The following AOPEP variants were observed in gnomAD, a reference collection of about 807,000 sequenced individuals.
AOPEP encodes aminopeptidase O.
In AOPEP, 77 loss-of-function variants were observed where a neutral mutation model predicts 98.1. That is an observed-to-expected ratio of 0.78 (90% CI 0.65 to 0.95). The LOEUF is 0.95. AOPEP is among the 40% of genes least tolerant of loss of function. The pLI, the probability that AOPEP is intolerant of heterozygous loss-of-function variation, is 0.00. For synonymous variants in AOPEP, 346 were observed against 365.3 expected (o/e 0.95, Z 0.60); for missense variants, 1,024 against 1,024.7 (o/e 1.00, Z 0.01).
At chr9:95,133,456 G>T in the AOPEP span, among the ~76,000 whole-genome samples, 1 of 152,252 alleles carries the variant, frequency 6.6e-6, no homozygotes, top group Non-Finnish European at 1.5e-5. Flanking sequence ...CTTCAAAGCT[G>T]TGTGACTCGT....
At chr9:95,052,668 T>C (rs1205263346) in intron 13 of AOPEP, among the ~76,000 whole-genome samples, 1 of 152,224 alleles carries the variant, frequency 6.6e-6, no homozygotes, top group Non-Finnish European at 1.5e-5. Context: ...TGAATAATCC[T>C]ACACAGACCA....
In AOPEP at chr9:95,083,857, A is replaced by G. The variant is rs539999194; in HGVS notation, c.*4+1138A>G. Among the ~76,000 whole-genome samples, 8 of 152,338 alleles carry G rather than the reference A, an allele frequency of 5.3e-5. No homozygotes were observed. In the South Asian group the frequency reaches 1.0e-3, roughly 20 times the overall value. ...GAGCGGAATTTCTCCCCTGGCTTCT[A>G]TTGGAGTCCTAGATTATTTAAATCA... On this transcript the variant is annotated intron_variant, in intron 16 of 16. Transcript: ENST00000375315.
chr9:94,738,740 AT>A (rs1241939476), intron 1 of AOPEP, among the ~76,000 whole-genome samples: 1 of 151,384 alleles, frequency 6.6e-6, no homozygotes, highest in African/African-American at 2.4e-5. Flanking sequence ...CGCTTGGCTA[AT>A]TTTTTTGTAT....
intron 5 of AOPEP, among the ~76,000 whole-genome samples, chr9:94,880,880 C>T (rs1172084530): frequency 6.6e-6 from 1 of 152,124 alleles, no homozygotes; most frequent in African/African-American, 2.4e-5. Flanking sequence ...GAGACTTTGG[C>T]ATAGGACCCA....
chr9:94,802,648 T>C (rs1848436681), intron 5 of AOPEP, among the ~76,000 whole-genome samples: 1 of 152,204 alleles, frequency 6.6e-6, no homozygotes. Flanking sequence ...TTGAAAAATA[T>C]GGTGGTGATC....
At chr9:95,132,592 A>G in the AOPEP span, among the ~76,000 whole-genome samples, 2 of 152,222 alleles carry the variant, frequency 1.3e-5, no homozygotes, top group Non-Finnish European at 2.9e-5. Context: ...CGTGGCAGAC[A>G]GCATGACTCG....
intron 2 of AOPEP, among the ~76,000 whole-genome samples, chr9:94,762,219 G>A (rs1052687184): frequency 7.9e-5 from 12 of 152,072 alleles, no homozygotes; most frequent in African/African-American, 1.9e-4. Context: ...AGGCTGAGGC[G>A]GGTGGATCAC....
chr9:94,946,493 C>A (rs2057643051), intron 7 of AOPEP, among the ~76,000 whole-genome samples: 1 of 152,152 alleles, frequency 6.6e-6, no homozygotes, highest in East Asian at 1.9e-4. Flanking sequence ...GTTCCAGGAT[C>A]CAGGTCTCAT....
At chr9:94,995,896 T>G (rs2061191297) in intron 11 of AOPEP, among the ~76,000 whole-genome samples, 1 of 152,186 alleles carries the variant, frequency 6.6e-6, no homozygotes, top group Admixed American at 6.5e-5. Flanking sequence ...ATGTACAGAA[T>G]GGCTGGGTTT....
intron 13 of AOPEP, among the ~76,000 whole-genome samples, chr9:95,057,196 C>G (rs2066899475): frequency 6.6e-6 from 1 of 152,264 alleles, no homozygotes; most frequent in African/African-American, 2.4e-5. Context: ...CACGATCACT[C>G]TGTGGTACGA....
chr9:94,836,940 A>C (rs1373999189), intron 5 of AOPEP, among the ~76,000 whole-genome samples: 1 of 152,154 alleles, frequency 6.6e-6, no homozygotes, highest in Non-Finnish European at 1.5e-5. Context: ...TTTTTAAAAA[A>C]ATTTTTTATG....
At chr9:95,134,361 C>T in the AOPEP span, among the ~76,000 whole-genome samples, 1 of 152,136 alleles carries the variant, frequency 6.6e-6, no homozygotes, top group Non-Finnish European at 1.5e-5. Flanking sequence ...CACAGCCAAC[C>T]TCAGGGACTT....
the AOPEP span, chr9:95,110,943 AG>A: frequency 7.4e-7 from 1 of 1,342,990 alleles, no homozygotes; most frequent in South Asian, 2.0e-5. Flanking sequence ...TCAGAAGCAA[AG>A]TGGTTAATAT....
At chr9:94,897,463 G>A (rs1468751118) in intron 5 of AOPEP, among the ~76,000 whole-genome samples, 2 of 151,944 alleles carry the variant, frequency 1.3e-5, no homozygotes, top group Admixed American at 1.3e-4. Context: ...AACCACAGTA[G>A]GAAACAAACA....
At chr9:94,768,103 A>T (rs1840025182) in intron 2 of AOPEP, among the ~76,000 whole-genome samples, 1 of 152,200 alleles carries the variant, frequency 6.6e-6, no homozygotes, top group South Asian at 2.1e-4. Flanking sequence ...GAATTGGAGG[A>T]GGCCTGAAGA....
chr9:94,841,189 T>G (rs2042223384), intron 5 of AOPEP, among the ~76,000 whole-genome samples: 1 of 150,666 alleles, frequency 6.6e-6, no homozygotes, highest in African/African-American at 2.4e-5. Flanking sequence ...TTTTTTTTTT[T>G]GAGACGGAGT....
intron 5 of AOPEP, among the ~76,000 whole-genome samples, chr9:94,891,731 T>C (rs568426467): frequency 5.9e-5 from 9 of 152,340 alleles, no homozygotes; most frequent in Admixed American, 4.6e-4. Context: ...TTATAACTTT[T>C]GTTCAACCAT....
At chr9:95,015,264 ATAGTGT>A (rs925444324) in intron 13 of AOPEP, among the ~76,000 whole-genome samples, 41 of 152,322 alleles carry the variant, frequency 2.7e-4, no homozygotes, top group African/African-American at 8.9e-4. Flanking sequence ...GTATATGTAA[ATAGTGT>A]TAGTGTCTTT....
the AOPEP span, among the ~76,000 whole-genome samples, chr9:95,130,920 T>C: frequency 1.3e-5 from 2 of 152,238 alleles, no homozygotes; most frequent in African/African-American, 2.4e-5. Context: ...ATATGTATTT[T>C]TTATTATGCC....
Sources: gnomAD v4.1 joint callset for allele counts (sites outside exome capture counted in the v4.1 genomes callset) on GRCh38, gnomAD v4.1.1 for gene constraint, MANE v1.5 for transcripts, NCBI Gene and HGNC (gene_info 2026-07-23, HGNC 2026-07-21) for gene names.